Variants in DOCK4 observed in about 807,000 individuals in gnomAD.
DOCK4 encodes the protein dedicator of cytokinesis protein 4.
DOCK4 carries 97 observed loss-of-function variants against 268.1 expected under a neutral mutation model. That is an observed-to-expected ratio of 0.36 (90% confidence interval 0.31 to 0.43). The LOEUF is 0.43. DOCK4 is among the 20% of genes least tolerant of loss of function. The probability of loss-of-function intolerance (pLI) is 1.00; values close to 1 mark genes in which losing one functional copy is unlikely to be tolerated. For missense variants in DOCK4, 2,145 were observed against 2,455.7 expected, an observed-to-expected ratio of 0.87 and a Z score of 2.67; for synonymous variants, 954 against 887.2, an observed-to-expected ratio of 1.08 and a Z score of -1.34.
intron 1 of DOCK4, among the ~76,000 whole-genome samples, chr7:112,042,562 T>G (rs917869871): frequency 6.6e-6 from 1 of 151,908 alleles, no homozygotes; most frequent in Non-Finnish European, 1.5e-5. Flanking sequence ...ACAGAGCAAA[T>G]AAGTCGGGAA....
chr7:111,947,579 G>C (rs898532222), intron 8 of DOCK4, among the ~76,000 whole-genome samples: 1 of 61,754 alleles, frequency 1.6e-5, no homozygotes, highest in Admixed American at 2.1e-4. Context: ...ATTCCAAACT[G>C]GAGGCTGGGA....
intron 26 of DOCK4, among the ~76,000 whole-genome samples, chr7:111,829,182 T>G (rs185537430): frequency 1.6e-4 from 25 of 152,326 alleles, no homozygotes; most frequent in African/African-American, 5.1e-4. Flanking sequence ...TCTATTAATC[T>G]GGCCTTTCTC....
chr7:111,976,276 T>TAC (rs1414993547), intron 8 of DOCK4, among the ~76,000 whole-genome samples: 5 of 5,094 alleles, frequency 9.8e-4, no homozygotes, highest in Non-Finnish European at 1.8e-3. Flanking sequence ...CTATTATATA[T>TAC]ATATATATAT....
At chr7:111,946,813 C>A (rs1795662379) in intron 8 of DOCK4, among the ~76,000 whole-genome samples, 1 of 152,196 alleles carries the variant, frequency 6.6e-6, no homozygotes, top group South Asian at 2.1e-4. Flanking sequence ...AACTCCTGGC[C>A]TCAAGTGATC....
chr7:112,039,932 T>C (rs947409317), intron 1 of DOCK4, among the ~76,000 whole-genome samples: 5 of 152,158 alleles, frequency 3.3e-5, no homozygotes, highest in African/African-American at 9.7e-5. Context: ...TTTCAGACCC[T>C]ACCATACAAC....
chr7:112,182,280 A>G lies in DOCK4; in HGVS notation c.37+23822T>C, dbSNP rs1261814419. Reference sequence around the variant, plus strand: ...ATTGTTTTCATATACAATTTTTCAAATCAATTTTGAAATACATTAATTTTT... The same window carrying G: ...ATTGTTTTCATATACAATTTTTCAAGTCAATTTTGAAATACATTAATTTTT... On this transcript the variant is annotated intron_variant, in intron 1 of 52. Coordinates refer to ENST00000428084, the MANE Select transcript of DOCK4 (RefSeq NM_001363540.2). 3.3e-5 allele frequency among the ~76,000 whole-genome samples: 5 copies of G among 152,324 alleles called. No individual in the cohort carries two copies. In the South Asian group the frequency reaches 8.3e-4, roughly 25 times the overall value.
intron 12 of DOCK4, among the ~76,000 whole-genome samples, chr7:111,931,802 T>G (rs552175184): frequency 2.1e-4 from 32 of 152,298 alleles, no homozygotes; most frequent in Middle Eastern, 6.8e-3. Flanking sequence ...ATAGCTAACA[T>G]TAAACACACA....
Position 111,874,708 on chromosome 7 carries a change from C to G in DOCK4, c.1745-2144G>C, listed in dbSNP as rs536406497. Among the ~76,000 whole-genome samples, 8 of 152,302 alleles carry G rather than the reference C, an allele frequency of 5.3e-5. No homozygotes were observed. In the South Asian group the frequency reaches 1.5e-3, roughly 28 times the overall value. ...GGTGTATATTATGTACCTAACCTAT[C>G]AAGAGCTATAAAATAGGAGGATGCC... On this transcript the variant is annotated intron_variant, in intron 17 of 52. Coordinates refer to ENST00000428084, the MANE Select transcript of DOCK4 (RefSeq NM_001363540.2).
At chr7:111,804,294 G>A (rs1800509323) in intron 30 of DOCK4, among the ~76,000 whole-genome samples, 1 of 152,198 alleles carries the variant, frequency 6.6e-6, no homozygotes. Flanking sequence ...CAACATGAAT[G>A]AATCTTGAGG....
At chr7:112,058,197 T>C (rs1806023427) in intron 1 of DOCK4, among the ~76,000 whole-genome samples, 2 of 152,080 alleles carry the variant, frequency 1.3e-5, no homozygotes, top group African/African-American at 2.4e-5. Flanking sequence ...TCTGCCCTAT[T>C]TTTATTCGTT....
intron 1 of DOCK4, among the ~76,000 whole-genome samples, chr7:112,047,738 G>T (rs1804949395): frequency 6.6e-6 from 1 of 152,124 alleles, no homozygotes; most frequent in Non-Finnish European, 1.5e-5. Flanking sequence ...AGTTGCCCAG[G>T]CTGGAGGGCA....
chr7:111,804,883 AG>A (rs2133876231), intron 30 of DOCK4, among the ~76,000 whole-genome samples: 1 of 152,294 alleles, frequency 6.6e-6, no homozygotes, highest in East Asian at 1.9e-4. Flanking sequence ...TACAGGTGTC[AG>A]CCACTGCACC....
chr7:112,116,566 A>G (rs1434976271), intron 1 of DOCK4, among the ~76,000 whole-genome samples: 2 of 152,256 alleles, frequency 1.3e-5, no homozygotes, highest in Admixed American at 1.3e-4. Context: ...ACCTAAGATT[A>G]GCAAATGACT....
chr7:112,169,140 C>T (rs10953704), intron 1 of DOCK4, among the ~76,000 whole-genome samples: 94,305 of 152,002 alleles, frequency 0.62, 31,945 homozygotes, highest in East Asian at 0.88. Context: ...CAAGTCCATC[C>T]TTCCTTTCAC....
At chr7:112,051,050 G>A (rs989637598) in intron 1 of DOCK4, among the ~76,000 whole-genome samples, 4 of 152,056 alleles carry the variant, frequency 2.6e-5, no homozygotes, top group African/African-American at 4.8e-5. Context: ...AAACAAAGAA[G>A]AGAGTATTAG....
intron 27 of DOCK4, among the ~76,000 whole-genome samples, chr7:111,815,406 T>C (rs1801463862): frequency 1.3e-5 from 2 of 152,322 alleles, no homozygotes; most frequent in South Asian, 2.1e-4. Context: ...TTTTAGTGGA[T>C]ACCTGTGGTG....
intron 1 of DOCK4, among the ~76,000 whole-genome samples, chr7:112,059,011 CAG>C (rs1563043297): frequency 6.6e-6 from 1 of 151,880 alleles, no homozygotes; most frequent in Non-Finnish European, 1.5e-5. Context: ...CTTAAATTTG[CAG>C]AGATTCAGGA....
At chr7:111,992,105 CT>C (rs1438368271) in intron 5 of DOCK4, among the ~76,000 whole-genome samples, 17 of 151,534 alleles carry the variant, frequency 1.1e-4, no homozygotes, top group Non-Finnish European at 2.5e-4. Flanking sequence ...GGTTACATTA[CT>C]GATTATTAAG....
At chr7:111,728,741 C>G (rs371887983) in intron 52 of DOCK4, 21 bp from the exon 53 acceptor site, 15 of 1,583,740 alleles carry the variant, frequency 9.5e-6, no homozygotes, top group South Asian at 5.7e-5. Flanking sequence ...GAGAAGGAAA[C>G]GAGAGGGAGA....
Sources: gnomAD v4.1 joint callset for allele counts (sites outside exome capture counted in the v4.1 genomes callset) on GRCh38, gnomAD v4.1.1 for gene constraint, MANE v1.5 for transcripts, NCBI Gene and HGNC (gene_info 2026-07-23, HGNC 2026-07-21) for gene names.